PDE4B: variants seen among roughly 807,000 people sequenced by gnomAD.
The protein encoded by PDE4B is 3',5'-cyclic-AMP phosphodiesterase 4B.
PDE4B carries 20 observed loss-of-function variants against 82.2 expected under a neutral mutation model. That is an observed-to-expected ratio of 0.24 (90% CI 0.17 to 0.35). PDE4B has a LOEUF of 0.35. Ranked by LOEUF, PDE4B falls within the 10% of genes least tolerant of loss-of-function variation. PDE4B has a pLI of 1.00. For synonymous variants in PDE4B, 320 were observed against 318.9 expected, an observed-to-expected ratio of 1.00 and a Z score of -0.04; for missense variants, 655 against 907.2, an observed-to-expected ratio of 0.72 and a Z score of 3.57.
chr1:66,179,917 A>G (rs1647024608), intron 3 of PDE4B, among the ~76,000 whole-genome samples: 1 of 152,220 alleles, frequency 6.6e-6, no homozygotes, highest in East Asian at 1.9e-4. Context: ...GAGGAAGGAA[A>G]TGGGGCCTAA....
intron 3 of PDE4B, among the ~76,000 whole-genome samples, chr1:66,030,146 A>G (rs1653690598): frequency 6.6e-6 from 1 of 151,748 alleles, no homozygotes; most frequent in African/African-American, 2.4e-5. Flanking sequence ...TATGGGGTGA[A>G]TCACATTTAT....
chr1:65,885,048 A>G (rs569839683), intron 1 of PDE4B, among the ~76,000 whole-genome samples: 3 of 152,232 alleles, frequency 2.0e-5, no homozygotes, highest in Non-Finnish European at 4.4e-5. Flanking sequence ...AAAGTGGGCA[A>G]AGGAGATGAA....
intron 3 of PDE4B, among the ~76,000 whole-genome samples, chr1:66,190,415 A>G (rs564064324): frequency 2.1e-4 from 32 of 152,292 alleles, no homozygotes; most frequent in African/African-American, 7.7e-4. Flanking sequence ...TTGTTTGGCT[A>G]TGCCCTGCCC....
chr1:66,349,199 GT>G (rs1241790512), intron 8 of PDE4B, among the ~76,000 whole-genome samples: 1 of 152,110 alleles, frequency 6.6e-6, no homozygotes, highest in Non-Finnish European at 1.5e-5. Flanking sequence ...GGCATTAATG[GT>G]TTTTCCCTGC....
intron 1 of PDE4B, among the ~76,000 whole-genome samples, chr1:65,884,299 G>A (rs867699418): frequency 2.6e-5 from 4 of 151,974 alleles, no homozygotes; most frequent in South Asian, 2.1e-4. Context: ...GGCTTTTTTT[G>A]GTTGGTAGGC....
chr1:66,116,804 A>T (rs1645604107), intron 3 of PDE4B, among the ~76,000 whole-genome samples: 1 of 152,086 alleles, frequency 6.6e-6, no homozygotes, highest in South Asian at 2.1e-4. Context: ...GGCTCAAGCA[A>T]TCCTCCATCC....
intron 1 of PDE4B, among the ~76,000 whole-genome samples, chr1:65,828,726 A>G (rs909128018): frequency 9.9e-5 from 15 of 152,206 alleles, no homozygotes; most frequent in Non-Finnish European, 2.2e-4. Flanking sequence ...GTGATGTAAT[A>G]TTATTTAAAG....
At chr1:65,977,206 T>C (rs1650453421) in intron 3 of PDE4B, among the ~76,000 whole-genome samples, 2 of 152,170 alleles carry the variant, frequency 1.3e-5, no homozygotes, top group Non-Finnish European at 2.9e-5. Flanking sequence ...GTGCATCAGA[T>C]TCACCTGAAG....
chr1:65,793,420 A>G (rs1645596091), intron 1 of PDE4B, among the ~76,000 whole-genome samples, 172 bp downstream of exon 1: 1 of 152,206 alleles, frequency 6.6e-6, no homozygotes, highest in Admixed American at 6.5e-5. Context: ...CGCCCCTTGT[A>G]GGAAATCCGC....
chr1:65,861,791 T>C lies in PDE4B; in HGVS notation c.-70-51454T>C, dbSNP rs1028104063. ...CTCTTGTAAGTTGTATTCCTAGGTA[T>C]TTTATTCTCTTTGTAGCAATTGTGA... On this transcript the variant is annotated intron_variant, in intron 1 of 16. Coordinates refer to ENST00000341517, the MANE Select transcript of PDE4B (RefSeq NM_002600.4). 3.3e-5 allele frequency among the ~76,000 whole-genome samples: 5 copies of C among 152,148 alleles called. 1 individual carries two copies. The highest frequency in any genetic ancestry group is 3.3e-4 in the Admixed American group (5 of 15,276).
chr1:65,948,896 C>A (rs539813350), intron 3 of PDE4B, among the ~76,000 whole-genome samples: 1 of 152,190 alleles, frequency 6.6e-6, no homozygotes, highest in South Asian at 2.1e-4. Context: ...TTTCACTGAG[C>A]ATAGCTGACC....
chr1:65,906,730 C>A (rs1410528203), intron 1 of PDE4B, among the ~76,000 whole-genome samples: 3 of 151,928 alleles, frequency 2.0e-5, no homozygotes, highest in Non-Finnish European at 4.4e-5. Context: ...TTTTTTGTCA[C>A]CATGTGTATT....
At chr1:66,332,690 T>G (rs1660216026) in intron 8 of PDE4B, 70 bp downstream of exon 8, 1 of 1,195,412 alleles carries the variant, frequency 8.4e-7, no homozygotes, top group Non-Finnish European at 1.2e-6. Flanking sequence ...CACCCCTGTC[T>G]GCAGCAGAGT....
At chr1:65,929,076 C>T (rs943593950) in intron 3 of PDE4B, among the ~76,000 whole-genome samples, 22 of 152,246 alleles carry the variant, frequency 1.4e-4, no homozygotes, top group Admixed American at 1.3e-3. Flanking sequence ...CCTCATGGGT[C>T]ACACTCTCAA....
intron 1 of PDE4B, among the ~76,000 whole-genome samples, chr1:65,825,118 T>TA (rs1199562459): frequency 6.6e-6 from 1 of 152,200 alleles, no homozygotes; most frequent in Non-Finnish European, 1.5e-5. Flanking sequence ...GCCAGATACA[T>TA]ACATGTGACC....
Position 66,328,196 on chromosome 1 carries a change from C to A in PDE4B, c.635-4312C>A, listed in dbSNP as rs1165894389. Among the ~76,000 whole-genome samples, 11 of 152,266 alleles carry A rather than the reference C, an allele frequency of 7.2e-5. No homozygotes were observed. The East Asian group carries it at 1.7e-3, about 24-fold the overall frequency. Reference sequence around the variant, plus strand: ...TCTCAGAGTCAAATGCAATACCCAGCAAACTTATAGAAGGAAGAAAATCTT... The same window carrying A: ...TCTCAGAGTCAAATGCAATACCCAGAAAACTTATAGAAGGAAGAAAATCTT... On this transcript the variant is annotated intron_variant, in intron 7 of 16. Transcript: ENST00000341517.
At chr1:65,935,980 C>T (rs758127033) in intron 3 of PDE4B, among the ~76,000 whole-genome samples, 5 of 151,976 alleles carry the variant, frequency 3.3e-5, no homozygotes, top group African/African-American at 7.2e-5. Flanking sequence ...AACAAAAACA[C>T]GTTGTATAGC....
At chr1:65,971,559 G>A (rs577817048) in intron 3 of PDE4B, among the ~76,000 whole-genome samples, 141 of 152,180 alleles carry the variant, frequency 9.3e-4, no homozygotes, top group Middle Eastern at 6.8e-3. Flanking sequence ...ATGAATAAAG[G>A]AATAAGTTGA....
At chr1:66,309,926 C>T (rs1658548717) in intron 7 of PDE4B, among the ~76,000 whole-genome samples, 1 of 152,132 alleles carries the variant, frequency 6.6e-6, no homozygotes, top group Non-Finnish European at 1.5e-5. Flanking sequence ...ACATTGACGT[C>T]CTGGGGTAGT....
Sources: allele counts gnomAD v4.1 joint callset (sites outside exome capture counted in the v4.1 genomes callset), GRCh38; gene constraint gnomAD v4.1.1; transcripts MANE v1.5; gene names NCBI Gene and HGNC (gene_info 2026-07-23, HGNC 2026-07-21).